Variants in CAMK2D observed in about 807,000 individuals in gnomAD.
CAMK2D encodes the protein calcium/calmodulin-dependent protein kinase type II subunit delta.
A neutral mutation model predicts 84.0 loss-of-function variants in CAMK2D; 37 were observed. The observed-to-expected ratio is 0.44, with a 90% CI of 0.34 to 0.58. The LOEUF is 0.58. Among genes scored for constraint, CAMK2D ranks in the 20% least tolerant of loss-of-function variants. The pLI is 0.02. For synonymous variants in CAMK2D, 202 were observed against 212.5 expected, an observed-to-expected ratio of 0.95 and a Z score of 0.43; for missense variants, 448 against 652.5, an observed-to-expected ratio of 0.69 and a Z score of 3.41.
intron 4 of CAMK2D, among the ~76,000 whole-genome samples, chr4:113,579,819 A>T (rs1327348852): frequency 6.6e-6 from 1 of 152,256 alleles, no homozygotes; most frequent in Non-Finnish European, 1.5e-5. Flanking sequence ...TTTAAAACAG[A>T]GAACTTTATT....
chr4:113,539,476 AC>A (rs1422848265), intron 6 of CAMK2D, among the ~76,000 whole-genome samples: 1 of 152,184 alleles, frequency 6.6e-6, no homozygotes, highest in African/African-American at 2.4e-5. Flanking sequence ...GTGTGTTTTC[AC>A]TCTTATCACT....
intron 4 of CAMK2D, among the ~76,000 whole-genome samples, chr4:113,570,246 C>T (rs1178591886): frequency 6.6e-6 from 1 of 152,098 alleles, no homozygotes; most frequent in African/African-American, 2.4e-5. Context: ...AAAATTCTAA[C>T]AGTATTTTTT....
chr4:113,609,735 G>A (rs1283662272), intron 3 of CAMK2D, among the ~76,000 whole-genome samples: 1 of 152,234 alleles, frequency 6.6e-6, no homozygotes, highest in East Asian at 1.9e-4. Flanking sequence ...AGAAGTTCTA[G>A]GTGGCACTCC....
At position 113,547,652 on chromosome 4, in the gene CAMK2D, C is replaced by A; in HGVS notation, c.406G>T (p.Asp136Tyr). 1.9e-6 allele frequency: 3 copies of A among 1,561,418 alleles called. No individual in the cohort carries two copies. The highest frequency in any genetic ancestry group is 2.6e-6 in the Non-Finnish European group (3 of 1,158,022). The change falls in exon 6 of 21, where the codon GAC (aspartate) becomes TAC (tyrosine). Residue 136 changes from aspartate to tyrosine, a missense_variant. By Grantham distance (160) the Asp-to-Tyr change is radical. This residue lies in a region of CAMK2D where 60 missense variants were observed against 70.0 expected (regional missense o/e 0.86). Coordinates refer to ENST00000511664, the MANE Select transcript of CAMK2D (RefSeq NM_001321571.2). ...TCAACCGCATTACTCACCTTCAGGT[C>A]CCGATGGACCACGCCCATCTGATGG... ...HCHQMGVVHR[D>Y]LKPENLLLAS...
intron 3 of CAMK2D, among the ~76,000 whole-genome samples, chr4:113,655,914 C>T (rs2154306215): frequency 6.6e-6 from 1 of 152,140 alleles, no homozygotes; most frequent in South Asian, 2.1e-4. Context: ...TAAATAAATT[C>T]CTCAAATCAA....
At chr4:113,579,798 G>A (rs2098799835) in intron 4 of CAMK2D, among the ~76,000 whole-genome samples, 1 of 152,180 alleles carries the variant, frequency 6.6e-6, no homozygotes, top group Non-Finnish European at 1.5e-5. Context: ...ATGCTTGAAA[G>A]AGCCTGACAT....
At chr4:113,562,507 T>C (rs995145106) in intron 4 of CAMK2D, among the ~76,000 whole-genome samples, 1 of 152,224 alleles carries the variant, frequency 6.6e-6, no homozygotes, top group Non-Finnish European at 1.5e-5. Context: ...CAGCTTATCA[T>C]CTGTCAAATC....
intron 16 of CAMK2D, among the ~76,000 whole-genome samples, chr4:113,489,574 C>T (rs1420386841): frequency 1.5e-4 from 23 of 148,808 alleles, no homozygotes; most frequent in Non-Finnish European, 3.4e-4. Flanking sequence ...CAAGTCTTTG[C>T]TATTGTGAAT....
intron 4 of CAMK2D, among the ~76,000 whole-genome samples, chr4:113,585,450 T>C (rs1301297611): frequency 1.3e-5 from 2 of 152,142 alleles, no homozygotes; most frequent in Non-Finnish European, 2.9e-5. Flanking sequence ...CATATTTGTA[T>C]ACACATGTAT....
intron 3 of CAMK2D, among the ~76,000 whole-genome samples, chr4:113,653,338 A>T (rs1453083070): frequency 6.6e-6 from 1 of 152,112 alleles, no homozygotes. Context: ...CCAAATAATC[A>T]TAATAAAGAG....
At chr4:113,686,547 C>T (rs1461208712) in intron 2 of CAMK2D, among the ~76,000 whole-genome samples, 1 of 152,072 alleles carries the variant, frequency 6.6e-6, no homozygotes. Context: ...TTTATTACAC[C>T]TTTGATGCAT....
chr4:113,514,485 A>C (rs1308693401), intron 10 of CAMK2D, among the ~76,000 whole-genome samples: 1 of 152,188 alleles, frequency 6.6e-6, no homozygotes, highest in Non-Finnish European at 1.5e-5. Flanking sequence ...CTTTATTTTA[A>C]TGTCTTCAAT....
chr4:113,673,558 C>T (rs1269433295), intron 2 of CAMK2D, among the ~76,000 whole-genome samples: 2 of 152,184 alleles, frequency 1.3e-5, no homozygotes, highest in Non-Finnish European at 2.9e-5. Flanking sequence ...CCCAGAGGTC[C>T]CTAAGAGGAT....
At chr4:113,575,812 C>G (rs548861763) in intron 4 of CAMK2D, among the ~76,000 whole-genome samples, 1 of 152,120 alleles carries the variant, frequency 6.6e-6, no homozygotes, top group South Asian at 2.1e-4. Flanking sequence ...TGATGAAGGG[C>G]CTGAGAGTCT....
At chr4:113,509,814 C>T (rs2098186062) in intron 12 of CAMK2D, 139 bp from the exon 13 acceptor site, 12 of 647,340 alleles carry the variant, frequency 1.9e-5, no homozygotes, top group South Asian at 5.5e-5. Flanking sequence ...CAAAGTCACA[C>T]TGATGAACGC....
chr4:113,640,672 G>A lies in CAMK2D; in HGVS notation c.220+21041C>T, dbSNP rs1269162690. Among the ~76,000 whole-genome samples, 4 of 152,154 alleles carry A rather than the reference G, an allele frequency of 2.6e-5. 1 individual carries two copies. Among genetic ancestry groups the A allele is most frequent in the Admixed American group, 1.3e-4 (2 of 15,274 alleles). ...GGAGGTGGTGATAATCACTATGAGA[G>A]CAATTTCTTAGGAACACATAGAAGA... On this transcript the variant is annotated intron_variant, in intron 3 of 20. Coordinates refer to ENST00000511664, the MANE Select transcript of CAMK2D (RefSeq NM_001321571.2).
chr4:113,646,228 A>C (rs2099151349), intron 3 of CAMK2D, among the ~76,000 whole-genome samples: 1 of 152,136 alleles, frequency 6.6e-6, no homozygotes, highest in South Asian at 2.1e-4. Context: ...AGATAATCTA[A>C]ACTTGAACTT....
intron 15 of CAMK2D, among the ~76,000 whole-genome samples, chr4:113,501,722 A>T (rs1227238401): frequency 6.6e-6 from 1 of 152,090 alleles, no homozygotes; most frequent in Admixed American, 6.6e-5. Flanking sequence ...AATTAAACTA[A>T]TTCATGTCAG....
Position 113,517,109 on chromosome 4 carries a change from G to C in CAMK2D, c.696+454C>G, listed in dbSNP as rs151185906. 5.1e-3 allele frequency among the ~76,000 whole-genome samples: 772 copies of C among 151,654 alleles called. 5 individuals are homozygous for C. Among genetic ancestry groups the C allele is most frequent in the African/African-American group, 0.018 (742 of 41,416 alleles). ...GAAAGCTTGCATAGTATCCCAAACA[G>C]TACAAAAACAAAAAACAAAACCCAG... On this transcript the variant is annotated intron_variant, in intron 9 of 20. Transcript: ENST00000511664.
Sources: allele counts gnomAD v4.1 joint callset (sites outside exome capture counted in the v4.1 genomes callset), GRCh38; gene constraint gnomAD v4.1.1; regional missense constraint gnomAD v4.1.1; transcripts MANE v1.5; gene names NCBI Gene and HGNC (gene_info 2026-07-23, HGNC 2026-07-21).